STIP1: variants seen among roughly 807,000 people sequenced by gnomAD.
The protein encoded by STIP1 is stress-induced-phosphoprotein 1.
A neutral mutation model predicts 77.4 loss-of-function variants in STIP1; 16 were observed. The observed-to-expected ratio is 0.21, with a 90% confidence interval of 0.14 to 0.31. The LOEUF (loss-of-function observed/expected upper bound fraction) is 0.31, where lower values mean the gene tolerates loss of function less well. STIP1 is among the 10% of genes least tolerant of loss of function. The pLI, the probability that STIP1 is intolerant of heterozygous loss-of-function variation, is 1.00. For synonymous variants in STIP1, 258 were observed against 246.6 expected (o/e 1.05, Z -0.44); for missense variants, 524 against 684.8 (o/e 0.77, Z 2.62).
chr11:64,195,606 T>G lies in STIP1; in HGVS notation c.504-39T>G, dbSNP rs779314050. The G allele has an allele frequency of 1.1e-5, 16 of 1,515,842 alleles. No individual in the cohort carries two copies. In the Admixed American group the frequency reaches 2.5e-4, roughly 24 times the overall value. The allele number at this position is 1,515,842 out of a possible 1,614,324, so 93.9% of individuals were successfully genotyped here. ...TTAAAAGACTAATTGTGGGGAGGAG[T>G]AATTACAATTTTTCTTTATTTTTTT... On this transcript the variant is annotated intron_variant, in intron 4 of 13. Coordinates refer to ENST00000305218, the MANE Select transcript of STIP1 (RefSeq NM_006819.3).
rs1366002290 is a variant in STIP1, at chr11:64,204,078, A to C, written c.1584A>C (p.Ala528=). Residue 528 remains alanine (A), a synonymous_variant, in exon 14 of 14, where the codon GCA becomes GCC. Coordinates refer to ENST00000305218, the MANE Select transcript of STIP1 (RefSeq NM_006819.3). ...GACACTTAAAGAATCCTGTAATAGC[A>C]CAGAAGATCCAGAAGCTGATGGATG... is the stretch of plus-strand genomic sequence containing the variant. The part of the protein sequence containing the change: ...LSEHLKNPVI[A]QKIQKLMDVG... 1.2e-6 allele frequency: 2 copies of C among 1,614,168 alleles called. No homozygotes were observed. The highest frequency in any genetic ancestry group is 1.7e-6 in the Non-Finnish European group (2 of 1,180,034).
intron 8 of STIP1, among the ~76,000 whole-genome samples, chr11:64,199,165 C>T (rs1436258587): frequency 7.0e-6 from 1 of 143,546 alleles, no homozygotes; most frequent in East Asian, 2.1e-4. Context: ...CATGCCACTG[C>T]ACTCCAGCCT....
intron 2 of STIP1, 100 bp downstream of exon 2, chr11:64,193,387 C>T: frequency 2.0e-6 from 2 of 1,017,214 alleles, no homozygotes; most frequent in Non-Finnish European, 3.0e-6. Context: ...TGATAGTTAC[C>T]TACCCACCTC....
At chr11:64,194,886 C>T (rs1254113340) in intron 4 of STIP1, among the ~76,000 whole-genome samples, 1 of 152,134 alleles carries the variant, frequency 6.6e-6, no homozygotes, top group African/African-American at 2.4e-5. Flanking sequence ...CAACCCCATC[C>T]TTTCCATCTA....
rs778413152 is a variant in STIP1 at position 64,203,472 on chromosome 11, G to A, written c.1409G>A (p.Arg470His). ...CAGGAGGCGGCAGACGGCTACCAGC[G>A]CTGTATGATGGCGCAGTACAACCGG... ...SCKEAADGYQ[R>H]CMMAQYNRHD... is the part of the protein sequence containing the mutation. Residue 470 changes from arginine (R) to histidine (H), a missense_variant, in exon 13 of 14, where the codon CGC becomes CAC. By Grantham distance (29) the Arg-to-His change is conservative (BLOSUM62 0). Transcript: ENST00000305218. 1.9e-6 allele frequency: 3 copies of A among 1,614,032 alleles called. No individual in the cohort carries two copies. Among genetic ancestry groups the A allele is most frequent in the Non-Finnish European group, 2.5e-6 (3 of 1,180,010 alleles).
intron 1 of STIP1, 99 bp downstream of exon 1, chr11:64,186,369 C>T (rs1946017081): frequency 2.3e-6 from 3 of 1,293,170 alleles, no homozygotes; most frequent in African/African-American, 3.2e-5. Context: ...ATCCAGGAGA[C>T]CGGAGCTCGG....
At chr11:64,199,722 C>T (rs546585560) in intron 8 of STIP1, among the ~76,000 whole-genome samples, 2 of 151,160 alleles carry the variant, frequency 1.3e-5, no homozygotes, top group Non-Finnish European at 3.0e-5. Flanking sequence ...CGCCACCACA[C>T]CAGGCTAATT....
chr11:64,200,404 A>G, intron 10 of STIP1, 111 bp downstream of exon 10: 2 of 1,490,886 alleles, frequency 1.3e-6, no homozygotes, highest in Non-Finnish European at 9.0e-7. Flanking sequence ...TGTTTGAGAC[A>G]GTGTCTCACT....
At chr11:64,202,664 G>A (rs1298424539) in intron 10 of STIP1, 4 of 593,378 alleles carry the variant, frequency 6.7e-6, no homozygotes, top group Admixed American at 3.0e-5. Flanking sequence ...ATTGTCCCCC[G>A]CTATGTGTTT....
Position 64,186,183 on chromosome 11 carries a change from G to A in STIP1, c.-79G>A. 2 of 1,550,672 alleles carry A rather than the reference G, an allele frequency of 1.3e-6. No homozygotes were observed. Among genetic ancestry groups the A allele is most frequent in the Non-Finnish European group, 8.7e-7 (1 of 1,146,930 alleles). ...CCGGGGTCCCGGTAGCTTCTAGTAG[G>A]TTCCAGAAGGCGGCGCGTGCGGTTG... On this transcript the variant is annotated 5_prime_UTR_variant, in exon 1 of 14. Coordinates refer to ENST00000305218, the MANE Select transcript of STIP1 (RefSeq NM_006819.3).
chr11:64,194,732 C>T (rs1946129519), intron 4 of STIP1, 112 bp downstream of exon 4: 4 of 1,384,646 alleles, frequency 2.9e-6, no homozygotes, highest in Non-Finnish European at 3.9e-6. Flanking sequence ...TTTGCCTTTG[C>T]TTATTCTCTG....
At chr11:64,201,664 T>G (rs1444682656) in intron 10 of STIP1, among the ~76,000 whole-genome samples, 2 of 152,214 alleles carry the variant, frequency 1.3e-5, no homozygotes, top group Non-Finnish European at 2.9e-5. Flanking sequence ...TCTGGGTCTG[T>G]GTCTTGGCCT....
rs750163674 is a variant in STIP1 at position 64,203,242 on chromosome 11, T to C, written c.1386+14T>C. On this transcript the variant is annotated intron_variant, in intron 12 of 13. Transcript: ENST00000305218. ...TCCAGCTGTAAGGTGGGGCTGCTTC[T>C]GGCCTCCAGGGGCCCCCCCTGCCTC... 1.7e-5 allele frequency: 27 copies of C among 1,613,170 alleles called. No individual in the cohort carries two copies. The highest frequency in any genetic ancestry group is 3.3e-4 in the Middle Eastern group (2 of 6,084).
intron 1 of STIP1, among the ~76,000 whole-genome samples, chr11:64,190,662 A>T (rs932780989): frequency 6.6e-6 from 1 of 152,220 alleles, no homozygotes; most frequent in African/African-American, 2.4e-5. Flanking sequence ...GATAATACAT[A>T]GAATGAGTTA....
intron 13 of STIP1, 158 bp from the exon 14 acceptor site, chr11:64,203,896 C>T (rs181645191): frequency 2.1e-5 from 19 of 903,804 alleles, no homozygotes; most frequent in Admixed American, 9.7e-5. Context: ...GCAAGTTCTG[C>T]GAAGTGGAGC....
chr11:64,185,629 G>T (rs1296616298), upstream of STIP1: 3 of 684,440 alleles, frequency 4.4e-6, no homozygotes, highest in Non-Finnish European at 7.1e-6. Context: ...ACTCGGGAGC[G>T]AGAGGGAAAG....
intron 5 of STIP1, among the ~76,000 whole-genome samples, chr11:64,196,348 AG>A (rs1946149920): frequency 6.8e-6 from 1 of 146,306 alleles, no homozygotes; most frequent in Admixed American, 7.3e-5. Context: ...ATAAGCTGAG[AG>A]CTCATCACTA....
At chr11:64,185,973 G>T, upstream of STIP1, 1 of 1,539,728 alleles carries the variant, frequency 6.5e-7, no homozygotes, top group Non-Finnish European at 8.7e-7. Flanking sequence ...AGCCTGAGAT[G>T]GGTGGGTTTA....
chr11:64,188,216 G>A (rs894489178), intron 1 of STIP1, among the ~76,000 whole-genome samples: 5 of 151,670 alleles, frequency 3.3e-5, no homozygotes, highest in Non-Finnish European at 7.4e-5. Flanking sequence ...TCATGGCGCA[G>A]GCCTGTAATC....
Sources: allele counts gnomAD v4.1 joint callset (sites outside exome capture counted in the v4.1 genomes callset), GRCh38; gene constraint gnomAD v4.1.1; transcripts MANE v1.5; gene names NCBI Gene and HGNC (gene_info 2026-07-23, HGNC 2026-07-21).